Variants in RBBP6 observed in about 807,000 individuals in gnomAD.
RBBP6 encodes the protein E3 ubiquitin-protein ligase RBBP6.
RBBP6 carries 25 observed loss-of-function variants against 167.7 expected under a neutral mutation model. The observed-to-expected ratio is 0.15, with a 90% CI of 0.11 to 0.21. The LOEUF (loss-of-function observed/expected upper bound fraction) is 0.21. Among genes scored for constraint, RBBP6 ranks in the 10% least tolerant of loss-of-function variants. The probability of loss-of-function intolerance (pLI) is 1.00; values close to 1 mark genes in which losing one functional copy is unlikely to be tolerated. For synonymous variants in RBBP6, 789 were observed against 735.8 expected, an observed-to-expected ratio of 1.07 and a Z score of -1.17; for missense variants, 1,868 against 2,134.2, an observed-to-expected ratio of 0.88 and a Z score of 2.46.
At chr16:24,561,258 A>C (rs1299267648) in intron 8 of RBBP6, among the ~76,000 whole-genome samples, 1 of 152,028 alleles carries the variant, frequency 6.6e-6, no homozygotes, top group Non-Finnish European at 1.5e-5. Flanking sequence ...TTTGTTTAAA[A>C]AAAAAAAAAG....
rs1302463111 is a variant in RBBP6 at position 24,539,573 on chromosome 16, G to C, written c.-1054G>C. On this transcript the variant is annotated 5_prime_UTR_variant, in exon 1 of 18. Coordinates refer to ENST00000319715, the MANE Select transcript of RBBP6 (RefSeq NM_006910.5). ...CCCTGCTTAAGAGACCCCGCAGTGG[G>C]GCGCTCGTCCGAAGCCAGGCCGCGT... 1 of 152,158 alleles carries C rather than the reference G, an allele frequency of 6.6e-6. No individual in the cohort carries two copies. The highest frequency in any genetic ancestry group is 1.5e-5 in the Non-Finnish European group (1 of 68,036). The allele number at this position is 152,158 out of a possible 1,614,324, so 9.4% of individuals were successfully genotyped here.
In RBBP6 at chr16:24,562,150, T is replaced by C; in HGVS notation, c.1278T>C (p.Asp426=). 1 of 1,606,762 alleles carries C rather than the reference T, an allele frequency of 6.2e-7. No homozygotes were observed. The highest frequency in any genetic ancestry group is 8.5e-7 in the Non-Finnish European group (1 of 1,174,722). ...TATCAGTTCATTCAGAAAAATCAGA[T>C]GGACCTTTTCGGTAAGCCTGTGTGT... ...VSISVHSEKS[D]GPFRDSDNKI... The change falls in exon 10 of 18, where the codon GAT becomes GAC. Residue 426 remains aspartate (D), a synonymous_variant. Coordinates refer to ENST00000319715, the MANE Select transcript of RBBP6 (RefSeq NM_006910.5).
At chr16:24,556,548 G>C (rs1374754464) in intron 7 of RBBP6, 101 bp downstream of exon 7, 1 of 1,334,964 alleles carries the variant, frequency 7.5e-7, no homozygotes, top group African/African-American at 1.5e-5. Context: ...GATTCCTTGA[G>C]AACTTTGTAT....
chr16:24,541,525 A>T (rs1280224861), intron 1 of RBBP6, among the ~76,000 whole-genome samples: 4 of 152,188 alleles, frequency 2.6e-5, no homozygotes, highest in Non-Finnish European at 4.4e-5. Flanking sequence ...GATTTTTTTT[A>T]AAGTAGTAGT....
chr16:24,548,949 C>A lies in RBBP6; in HGVS notation c.271C>A (p.Arg91=), dbSNP rs748988481. 6.2e-7 allele frequency: 1 copy of A among 1,606,870 alleles called. No individual in the cohort carries two copies. Among genetic ancestry groups the A allele is most frequent in the South Asian group, 1.1e-5 (1 of 89,608 alleles). ...TGTTTTTATTTTGTGTTTTAGAAGTCGAACTGAACCAGCGATGGCAACTAC... is the reference window on the plus strand; with the variant it reads ...TGTTTTTATTTTGTGTTTTAGAAGTAGAACTGAACCAGCGATGGCAACTAC... The part of the protein sequence containing the change: ...KSTSKTYVIS[R]TEPAMATTKA... The change falls in exon 3 of 18, where the codon CGA becomes AGA. Residue 91 remains arginine, a synonymous_variant. Coordinates refer to ENST00000319715, the MANE Select transcript of RBBP6 (RefSeq NM_006910.5).
rs372656222 is a variant in RBBP6 at position 24,572,329 on chromosome 16, G to T, written c.5263G>T (p.Val1755Leu). ...GCATAAGAAACATGCAGGCACTGAA[G>T]TGGAATTGGAAAAAAGCCAAAAACA... Reference protein sequence around the residue: ...KKHKKHAGTEVELEKSQKHKH... With the variant: ...KKHKKHAGTELELEKSQKHKH... Residue 1755 changes from valine to leucine, a missense_variant, in exon 18 of 18, where the codon GTG (valine) becomes TTG (leucine). Val to Leu is a conservative substitution (Grantham distance 32). Coordinates refer to ENST00000319715, the MANE Select transcript of RBBP6 (RefSeq NM_006910.5). The T allele has an allele frequency of 6.4e-7, 1 of 1,560,652 alleles. No homozygotes were observed. The highest frequency in any genetic ancestry group is 8.7e-7 in the Non-Finnish European group (1 of 1,151,810).
rs1409859948 is a variant in RBBP6, at chr16:24,568,939, C to T, written c.2249C>T (p.Ser750Phe). 6.2e-7 allele frequency: 1 copy of T among 1,614,090 alleles called. No individual in the cohort carries two copies. Among genetic ancestry groups the T allele is most frequent in the Non-Finnish European group, 8.5e-7 (1 of 1,180,030 alleles). The change falls in exon 17 of 18, where the codon TCT becomes TTT. Residue 750 changes from serine (S) to phenylalanine (F), a missense_variant. Ser to Phe is a radical substitution (Grantham distance 155, BLOSUM62 -2). Coordinates refer to ENST00000319715, the MANE Select transcript of RBBP6 (RefSeq NM_006910.5). Reference sequence around the variant, plus strand: ...CGCAATTACCGTTCACGGTCTAGATCTCATGGATATCATCGATCTAGGTCA... The same window carrying T: ...CGCAATTACCGTTCACGGTCTAGATTTCATGGATATCATCGATCTAGGTCA... ...KSRNYRSRSR[S>F]HGYHRSRSRS... is the part of the protein sequence containing the mutation.
chr16:24,565,489 G>A (rs536313786), intron 14 of RBBP6, among the ~76,000 whole-genome samples: 56 of 152,334 alleles, frequency 3.7e-4, no homozygotes, highest in African/African-American at 1.3e-3. Context: ...GCAGCTGAGC[G>A]AGCATTACCA....
intron 4 of RBBP6, chr16:24,554,427 G>A (rs1898867919): frequency 1.3e-5 from 2 of 152,084 alleles, no homozygotes; most frequent in African/African-American, 4.8e-5. Flanking sequence ...ATGAAAAGAT[G>A]GGTTTTCCAT....
chr16:24,542,403 G>A (rs1419121073), intron 1 of RBBP6, among the ~76,000 whole-genome samples: 12 of 151,404 alleles, frequency 7.9e-5, no homozygotes, highest in African/African-American at 1.9e-4. Flanking sequence ...TTACACAATC[G>A]AATCATTAGG....
chr16:24,540,852 G>T (rs1224303233), intron 1 of RBBP6, 60 bp downstream of exon 1: 20 of 1,554,292 alleles, frequency 1.3e-5, no homozygotes, highest in African/African-American at 4.1e-5. Flanking sequence ...GCTAGAAGGT[G>T]CCTGGCAGGA....
At position 24,556,424 on chromosome 16, in the gene RBBP6, A is replaced by G; in HGVS notation, c.651A>G (p.Lys217=). 6.2e-7 allele frequency: 1 copy of G among 1,612,534 alleles called. No individual in the cohort carries two copies. Among genetic ancestry groups the G allele is most frequent in the South Asian group, 1.1e-5 (1 of 91,046 alleles). Reference sequence around the variant, plus strand: ...GTGCAATGCTTACCAACACTGGAAAATATGCAATACCAACTATAGATGCGT... The same window carrying G: ...GTGCAATGCTTACCAACACTGGAAAGTATGCAATACCAACTATAGATGCGT... ...MKGAMLTNTG[K]YAIPTIDAEA... The change falls in exon 7 of 18, where the codon AAA becomes AAG. Residue 217 remains lysine, a synonymous_variant. Transcript: ENST00000319715.
chr16:24,564,732 A>C, intron 13 of RBBP6, 65 bp from the exon 14 acceptor site: 1 of 1,537,212 alleles, frequency 6.5e-7, no homozygotes, highest in Non-Finnish European at 8.8e-7. Flanking sequence ...ACAGCTATGC[A>C]TGGAAAGGTC....
At chr16:24,568,633 T>G in intron 16 of RBBP6, 112 bp from the exon 17 acceptor site, 1 of 1,395,404 alleles carries the variant, frequency 7.2e-7, no homozygotes, top group Non-Finnish European at 9.4e-7. Flanking sequence ...TAAGATGAAA[T>G]TTGATATAAA....
intron 14 of RBBP6, 66 bp from the exon 15 acceptor site, chr16:24,567,077 G>A: frequency 1.3e-6 from 2 of 1,487,882 alleles, no homozygotes; most frequent in East Asian, 4.6e-5. Flanking sequence ...GGATAGAAGA[G>A]ATAAGCTTAC....
chr16:24,565,618 T>C (rs114732858), intron 14 of RBBP6, among the ~76,000 whole-genome samples: 2,235 of 152,358 alleles, frequency 0.015, 60 homozygotes, highest in African/African-American at 0.052. Flanking sequence ...GAGAATCTAA[T>C]GCCTGATCAT....
Position 24,571,676 on chromosome 16 carries a change from CAAG to C in RBBP6, c.4612_4614del (p.Arg1538del). On this transcript the variant is annotated inframe_deletion, in exon 18 of 18. Transcript: ENST00000319715. ...TCCAAAAAAAGTAATTCTAGTCCCT[CAAG>C]AGACAGAAAACCTCATGATCACAAA... 6.2e-7 allele frequency: 1 copy of C among 1,613,994 alleles called. No individual in the cohort carries two copies. Among genetic ancestry groups the C allele is most frequent in the Non-Finnish European group, 8.5e-7 (1 of 1,179,986 alleles).
chr16:24,569,616 G>A lies in RBBP6; in HGVS notation c.2926G>A (p.Val976Ile), dbSNP rs1899278174. 1 of 1,611,906 alleles carries A rather than the reference G, an allele frequency of 6.2e-7. No homozygotes were observed. Among genetic ancestry groups the A allele is most frequent in the Non-Finnish European group, 8.5e-7 (1 of 1,179,500 alleles). ...AGAAAATAAAACAGACTCATTGTTT[G>A]TTCTCCCAAGTAGAGATGATGCCAC... ...VEENKTDSLF[V>I]LPSRDDATPV... The change falls in exon 17 of 18, where the codon GTT (valine) becomes ATT (isoleucine). Residue 976 changes from valine to isoleucine, a missense_variant. Around this residue, in one of 7 missense-constraint regions of RBBP6, gnomAD observed 673 missense variants for 691.5 expected, o/e 0.97. Transcript: ENST00000319715.
intron 1 of RBBP6, among the ~76,000 whole-genome samples, chr16:24,543,045 G>A (rs1342474010): frequency 6.6e-6 from 1 of 152,126 alleles, no homozygotes; most frequent in Admixed American, 6.5e-5. Flanking sequence ...GATATTGATG[G>A]TAGCTACTTA....
Sources: allele counts gnomAD v4.1 joint callset (sites outside exome capture counted in the v4.1 genomes callset), GRCh38; gene constraint gnomAD v4.1.1; regional missense constraint gnomAD v4.1.1; transcripts MANE v1.5; gene names NCBI Gene and HGNC (gene_info 2026-07-23, HGNC 2026-07-21).